PRKCB: variants seen among roughly 807,000 people sequenced by gnomAD.
The protein encoded by PRKCB is protein kinase C beta, also known as protein kinase C beta type.
Under a neutral mutation model 81.5 loss-of-function variants are expected in PRKCB, and 13 were observed. That is an observed-to-expected ratio of 0.16 (90% confidence interval 0.10 to 0.25). PRKCB has a LOEUF of 0.25. Ranked by LOEUF, PRKCB falls within the 10% of genes least tolerant of loss-of-function variation. The pLI is 1.00. For missense variants in PRKCB, 509 were observed against 875.7 expected (o/e 0.58, Z 5.29); for synonymous variants, 335 against 321.4 (o/e 1.04, Z -0.45).
chr16:24,173,060 C>T (rs1171348222), intron 11 of PRKCB, among the ~76,000 whole-genome samples: 1 of 151,954 alleles, frequency 6.6e-6, no homozygotes, highest in Non-Finnish European at 1.5e-5. Flanking sequence ...ATTCTGACCC[C>T]GGTTTTTCTT....
chr16:24,111,927 T>A (rs1475365510), intron 7 of PRKCB, among the ~76,000 whole-genome samples: 2 of 152,344 alleles, frequency 1.3e-5, no homozygotes, highest in Non-Finnish European at 1.5e-5. Flanking sequence ...TTCACAAGAA[T>A]TCTATGAAAA....
intron 2 of PRKCB, among the ~76,000 whole-genome samples, chr16:23,866,990 TC>T (rs1378146109): frequency 1.4e-5 from 1 of 69,638 alleles, no homozygotes; most frequent in Non-Finnish European, 2.8e-5. Flanking sequence ...TTCCTTCCCT[TC>T]CTTCCCTTCC....
At chr16:24,194,552 A>G (rs932113473) in intron 16 of PRKCB, among the ~76,000 whole-genome samples, 2 of 152,110 alleles carry the variant, frequency 1.3e-5, no homozygotes, top group African/African-American at 4.8e-5. Context: ...GTTATTTACA[A>G]CCAGAGTCCA....
chr16:23,847,896 A>C (rs1962406889), intron 2 of PRKCB, among the ~76,000 whole-genome samples: 1 of 152,228 alleles, frequency 6.6e-6, no homozygotes, highest in African/African-American at 2.4e-5. Context: ...TGCTACACCA[A>C]GAATGTAAAA....
chr16:23,965,429 A>G (rs1436885552), intron 2 of PRKCB, among the ~76,000 whole-genome samples: 4 of 152,142 alleles, frequency 2.6e-5, no homozygotes, highest in Non-Finnish European at 5.9e-5. Context: ...TGTCTTTGCT[A>G]TTGCATCACT....
chr16:23,923,270 C>T (rs1963851701), intron 2 of PRKCB, among the ~76,000 whole-genome samples: 1 of 152,030 alleles, frequency 6.6e-6, no homozygotes, highest in South Asian at 2.1e-4. Flanking sequence ...ACATGGTTTC[C>T]TTTATTCCAT....
intron 16 of PRKCB, among the ~76,000 whole-genome samples, chr16:24,204,477 T>C (rs1255948528): frequency 6.6e-6 from 1 of 152,128 alleles, no homozygotes; most frequent in African/African-American, 2.4e-5. Context: ...TTCCTGCCTA[T>C]CTCACAGCCT....
chr16:24,195,494 A>G (rs1967865428), intron 16 of PRKCB, among the ~76,000 whole-genome samples: 1 of 152,236 alleles, frequency 6.6e-6, no homozygotes, highest in South Asian at 2.1e-4. Context: ...GAACAATAAC[A>G]GAGGATTATG....
chr16:24,136,159 C>T (rs907116505), intron 9 of PRKCB, among the ~76,000 whole-genome samples: 1 of 150,330 alleles, frequency 6.7e-6, no homozygotes, highest in Non-Finnish European at 1.5e-5. Context: ...CTTCCACCTT[C>T]CCGAATTTTC....
intron 16 of PRKCB, among the ~76,000 whole-genome samples, chr16:24,210,332 G>A (rs902455221): frequency 1.3e-5 from 2 of 151,976 alleles, no homozygotes; most frequent in South Asian, 2.1e-4. Context: ...ACTGTGCCAG[G>A]TGAGCTCTGT....
chr16:24,127,164 G>A (rs991014983), intron 9 of PRKCB, among the ~76,000 whole-genome samples: 2 of 151,596 alleles, frequency 1.3e-5, no homozygotes, highest in African/African-American at 4.9e-5. Context: ...GCGCCACCAC[G>A]CCCAGCTAAT....
At position 24,185,652 on chromosome 16, in the gene PRKCB, G is replaced by T. The variant is rs76741047; in HGVS notation, c.1722+85G>T. 4.3e-3 allele frequency: 4,860 copies of T among 1,129,860 alleles called. 215 individuals carry two copies. The East Asian group carries it at 0.097, about 22-fold the overall frequency. 70.0% of individuals were successfully genotyped at this position (1,129,860 alleles called of 1,614,324 possible). Reference sequence around the variant, plus strand: ...CTTGCCCAAGAACACCCCACCAGGGGGGAACACAGCCTGAACTCCACCCTT... The same window carrying T: ...CTTGCCCAAGAACACCCCACCAGGGTGGAACACAGCCTGAACTCCACCCTT... On this transcript the variant is annotated intron_variant, in intron 15 of 16. Transcript: ENST00000643927.
intron 2 of PRKCB, among the ~76,000 whole-genome samples, chr16:23,862,594 A>C (rs1411395389): frequency 2.6e-5 from 4 of 152,186 alleles, no homozygotes; most frequent in Non-Finnish European, 5.9e-5. Flanking sequence ...ATTTCAGGAA[A>C]AAATTTTTTT....
At chr16:24,128,862 T>C (rs1388726829) in intron 9 of PRKCB, among the ~76,000 whole-genome samples, 1 of 152,222 alleles carries the variant, frequency 6.6e-6, no homozygotes, top group African/African-American at 2.4e-5. Context: ...GTTTTTATAA[T>C]GCCTTGAAAC....
chr16:24,043,418 CT>C (rs932561411), intron 5 of PRKCB, among the ~76,000 whole-genome samples: 4 of 151,006 alleles, frequency 2.6e-5, no homozygotes, highest in Admixed American at 1.3e-4. Context: ...CTTTATTTTG[CT>C]TTTTTTTTAG....
chr16:23,864,941 T>G (rs1328564867), intron 2 of PRKCB, among the ~76,000 whole-genome samples: 1 of 152,110 alleles, frequency 6.6e-6, no homozygotes, highest in Admixed American at 6.6e-5. Flanking sequence ...TATGCCCCTG[T>G]GTACCCAATG....
At chr16:23,888,085 C>G (rs1963232031) in intron 2 of PRKCB, among the ~76,000 whole-genome samples, 1 of 152,218 alleles carries the variant, frequency 6.6e-6, no homozygotes, top group Non-Finnish European at 1.5e-5. Context: ...TTTAGCGCAT[C>G]AAGTCCCCTT....
At chr16:24,174,625 C>T (rs1967499891) in intron 12 of PRKCB, 45 bp downstream of exon 12, 3 of 1,513,004 alleles carry the variant, frequency 2.0e-6, no homozygotes, top group Non-Finnish European at 2.7e-6. Context: ...TCTCCCTCAG[C>T]TCCTCCCTGC....
At chr16:23,877,879 A>C (rs1048173054) in intron 2 of PRKCB, among the ~76,000 whole-genome samples, 1 of 149,406 alleles carries the variant, frequency 6.7e-6, no homozygotes, top group Admixed American at 6.7e-5. Flanking sequence ...CGTCATCCAC[A>C]CTGGAGTGCA....
Sources: allele counts gnomAD v4.1 joint callset (sites outside exome capture counted in the v4.1 genomes callset), GRCh38; gene constraint gnomAD v4.1.1; transcripts MANE v1.5; gene names NCBI Gene and HGNC (gene_info 2026-07-23, HGNC 2026-07-21).